Variants in MALRD1 observed in about 807,000 individuals in gnomAD.
MALRD1 encodes the protein MAM and LDL receptor class A domain containing 1.
A neutral mutation model predicts 242.1 loss-of-function variants in MALRD1; 247 were observed. That is an observed-to-expected ratio of 1.02 (90% CI 0.92 to 1.13). The LOEUF (loss-of-function observed/expected upper bound fraction) is 1.13. Among genes scored for constraint, MALRD1 ranks in the 50% most tolerant of loss-of-function variants. The pLI is 0.00. For missense variants in MALRD1, 2,989 were observed against 2,533.1 expected (o/e 1.18, Z -3.86); for synonymous variants, 995 against 866.6 (o/e 1.15, Z -2.60).
intron 5 of MALRD1, among the ~76,000 whole-genome samples, chr10:19,118,411 G>A (rs1836947832): frequency 6.6e-6 from 1 of 152,170 alleles, no homozygotes; most frequent in Non-Finnish European, 1.5e-5. Context: ...CATTGGTTGA[G>A]TTTAGAAAGG....
intron 38 of MALRD1, among the ~76,000 whole-genome samples, chr10:19,708,725 GAT>G (rs1237694956): frequency 1.6e-5 from 2 of 121,982 alleles, no homozygotes; most frequent in African/African-American, 5.2e-5. Flanking sequence ...GCAGAGGCAC[GAT>G]CTCGGCTCAC....
chr10:19,251,795 G>A (rs950081527), intron 18 of MALRD1, among the ~76,000 whole-genome samples: 34 of 152,074 alleles, frequency 2.2e-4, no homozygotes, highest in African/African-American at 7.7e-4. Context: ...CCAGTGTTGG[G>A]GGCAGGACTG....
At chr10:19,640,385 G>A (rs546028408) in intron 36 of MALRD1, among the ~76,000 whole-genome samples, 21 of 152,216 alleles carry the variant, frequency 1.4e-4, no homozygotes, top group African/African-American at 3.8e-4. Context: ...CACCGCACCC[G>A]GACTTCATTG....
At chr10:19,324,722 C>T (rs1028788908) in intron 22 of MALRD1, among the ~76,000 whole-genome samples, 2 of 151,202 alleles carry the variant, frequency 1.3e-5, no homozygotes, top group Non-Finnish European at 2.9e-5. Flanking sequence ...AGGAATAATT[C>T]CTTATCTTCC....
At chr10:19,261,221 C>A (rs1272504304) in intron 19 of MALRD1, among the ~76,000 whole-genome samples, 1 of 151,970 alleles carries the variant, frequency 6.6e-6, no homozygotes, top group Non-Finnish European at 1.5e-5. Context: ...GGCAGAGATG[C>A]GAAATGTCAG....
chr10:19,357,226 T>G lies in MALRD1; in HGVS notation c.4441+4929T>G, dbSNP rs1035528399. On this transcript the variant is annotated intron_variant, in intron 26 of 39. Transcript: ENST00000454679. ...TCAGACTCTCCTCTTATTAGCTATT[T>G]TTACCCAATGTATCTGAAACACAGT... Among the ~76,000 whole-genome samples the G allele has an allele frequency of 3.9e-5, 6 of 152,292 alleles. No individual in the cohort carries two copies. The South Asian group carries it at 1.2e-3, about 32-fold the overall frequency.
chr10:19,357,835 T>C lies in MALRD1; in HGVS notation c.4441+5538T>C, dbSNP rs1453065237. On this transcript the variant is annotated intron_variant, in intron 26 of 39. Coordinates refer to ENST00000454679, the MANE Select transcript of MALRD1 (RefSeq NM_001142308.3). ...TGTAGGCTAACAATTCCATCAAGGA[T>C]AGCTTAAAATAGAAAAGACAAGAGG... 2.6e-5 allele frequency among the ~76,000 whole-genome samples: 4 copies of C among 152,120 alleles called. No individual in the cohort carries two copies. In the East Asian group the frequency reaches 5.8e-4, roughly 22 times the overall value.
chr10:19,062,223 C>T (rs1223219495), intron 1 of MALRD1, among the ~76,000 whole-genome samples: 1 of 151,978 alleles, frequency 6.6e-6, no homozygotes, highest in Non-Finnish European at 1.5e-5. Flanking sequence ...AATGAGATAC[C>T]ACTTCACACC....
At chr10:19,607,944 C>A (rs1163192305) in intron 35 of MALRD1, 42 bp downstream of exon 35, 1 of 1,541,648 alleles carries the variant, frequency 6.5e-7, no homozygotes, top group Non-Finnish European at 8.8e-7. Flanking sequence ...TATGAACCAG[C>A]AACTTAACCT....
At chr10:19,326,514 A>G (rs1843141696) in intron 22 of MALRD1, among the ~76,000 whole-genome samples, 1 of 152,076 alleles carries the variant, frequency 6.6e-6, no homozygotes. Context: ...AATATAAAGA[A>G]GACTCATTTG....
chr10:19,469,867 A>G (rs1415460970), intron 29 of MALRD1, among the ~76,000 whole-genome samples: 2 of 152,108 alleles, frequency 1.3e-5, no homozygotes, highest in Non-Finnish European at 2.9e-5. Context: ...GTATACACTC[A>G]TGAAAAAAGT....
At chr10:19,187,849 G>A (rs1293445888) in intron 14 of MALRD1, among the ~76,000 whole-genome samples, 1 of 152,094 alleles carries the variant, frequency 6.6e-6, no homozygotes, top group Non-Finnish European at 1.5e-5. Flanking sequence ...TACCTATTGG[G>A]TACTGTGCTC....
intron 21 of MALRD1, among the ~76,000 whole-genome samples, chr10:19,310,385 T>C (rs1842378817): frequency 6.6e-6 from 1 of 151,454 alleles, no homozygotes; most frequent in Non-Finnish European, 1.5e-5. Flanking sequence ...CGCTGAATTG[T>C]GATACATTCG....
intron 36 of MALRD1, among the ~76,000 whole-genome samples, chr10:19,629,579 G>A (rs760492793): frequency 2.0e-5 from 3 of 152,106 alleles, no homozygotes; most frequent in African/African-American, 7.2e-5. Context: ...GTATGTGCAC[G>A]GCCAAGCTTC....
intron 39 of MALRD1, among the ~76,000 whole-genome samples, chr10:19,732,662 G>A (rs903140955): frequency 1.3e-5 from 2 of 152,174 alleles, no homozygotes; most frequent in Non-Finnish European, 2.9e-5. Context: ...TCAATTTTAT[G>A]TTTTTTGTAT....
At chr10:19,601,962 G>T (rs1394700984) in intron 34 of MALRD1, among the ~76,000 whole-genome samples, 3 of 151,700 alleles carry the variant, frequency 2.0e-5, no homozygotes, top group African/African-American at 7.3e-5. Context: ...AAAAATTTGT[G>T]TATATATACA....
At chr10:19,683,603 A>G (rs1030471139) in intron 36 of MALRD1, among the ~76,000 whole-genome samples, 10 of 152,172 alleles carry the variant, frequency 6.6e-5, no homozygotes, top group African/African-American at 2.2e-4. Flanking sequence ...CTGCCTGTCT[A>G]TATCTTGAGA....
chr10:19,481,209 G>C (rs1051151687), intron 29 of MALRD1, among the ~76,000 whole-genome samples: 16 of 152,014 alleles, frequency 1.1e-4, no homozygotes, highest in African/African-American at 3.9e-4. Flanking sequence ...CTAATACATG[G>C]TCCAGTAACT....
chr10:19,503,262 C>G (rs1009042824), intron 31 of MALRD1, among the ~76,000 whole-genome samples: 1 of 152,156 alleles, frequency 6.6e-6, no homozygotes, highest in East Asian at 1.9e-4. Flanking sequence ...TTTTGACCCT[C>G]TGGGAAAAAC....
Sources: allele counts gnomAD v4.1 joint callset (sites outside exome capture counted in the v4.1 genomes callset), GRCh38; gene constraint gnomAD v4.1.1; transcripts MANE v1.5; gene names NCBI Gene and HGNC (gene_info 2026-07-23, HGNC 2026-07-21).